FANCM: variants seen among roughly 807,000 people sequenced by gnomAD.
FANCM encodes the protein Fanconi anemia group M protein.
In FANCM, 140 loss-of-function variants were observed where a neutral mutation model predicts 199.5. The observed-to-expected ratio is 0.70, with a 90% CI of 0.61 to 0.81. FANCM has a LOEUF of 0.81. FANCM is among the 30% of genes least tolerant of loss of function. The probability of loss-of-function intolerance (pLI) is 0.00; values close to 1 mark genes in which losing one functional copy is unlikely to be tolerated. For synonymous variants in FANCM, 840 were observed against 836.8 expected (o/e 1.00, Z -0.07); for missense variants, 2,410 against 2,421.4 (o/e 1.00, Z 0.10).
At chr14:45,177,112 A>G in intron 14 of FANCM, 136 bp downstream of exon 14, 1 of 621,724 alleles carries the variant, frequency 1.6e-6, no homozygotes, top group Non-Finnish European at 2.8e-6. Context: ...GATGTGTTAT[A>G]TTTTTCTTAA....
chr14:45,151,478 A>G lies in FANCM; in HGVS notation c.1000A>G (p.Ile334Val). 1 of 1,612,572 alleles carries G rather than the reference A, an allele frequency of 6.2e-7. No homozygotes were observed. Among genetic ancestry groups the G allele is most frequent in the Non-Finnish European group, 8.5e-7 (1 of 1,178,618 alleles). The change falls in exon 5 of 23, where the codon ATA becomes GTA. Residue 334 changes from isoleucine (I) to valine (V), a missense_variant. Physicochemically the swap from Ile to Val is conservative, Grantham distance 29 (BLOSUM62 3). Transcript: ENST00000267430. Reference sequence around the variant, plus strand: ...TATCCCAAATCTAACAAAATATCAGATAATTCTGGCAAGAGATCAGTTTAG... The same window carrying G: ...TATCCCAAATCTAACAAAATATCAGGTAATTCTGGCAAGAGATCAGTTTAG... ...RDIPNLTKYQ[I>V]ILARDQFRKN... is the part of the protein sequence containing the mutation.
At chr14:45,140,067 T>C (rs1885800710) in intron 2 of FANCM, among the ~76,000 whole-genome samples, 1 of 152,208 alleles carries the variant, frequency 6.6e-6, no homozygotes, top group African/African-American at 2.4e-5. Flanking sequence ...CAAATATAAT[T>C]TCGTATTGCT....
intron 3 of FANCM, among the ~76,000 whole-genome samples, chr14:45,144,555 A>G (rs1206353283): frequency 6.6e-6 from 1 of 152,184 alleles, no homozygotes; most frequent in East Asian, 1.9e-4. Context: ...CACTCAAAGC[A>G]CAAGATGAAG....
chr14:45,151,284 T>C, intron 4 of FANCM, 113 bp from the exon 5 acceptor site: 1 of 864,136 alleles, frequency 1.2e-6, no homozygotes, highest in South Asian at 1.6e-5. Flanking sequence ...AAACATTCAT[T>C]GTAAGACAAA....
At chr14:45,136,577 G>T (rs766451110) in intron 1 of FANCM, 38 bp downstream of exon 1, 23 of 1,599,714 alleles carry the variant, frequency 1.4e-5, no homozygotes, top group Non-Finnish European at 2.0e-5. Context: ...TAAGAGCTGG[G>T]AATTCCTGAC....
intron 20 of FANCM, among the ~76,000 whole-genome samples, chr14:45,195,098 C>G (rs1889986859): frequency 6.6e-6 from 1 of 152,174 alleles, no homozygotes; most frequent in African/African-American, 2.4e-5. Flanking sequence ...TCTCCAGAAC[C>G]TCATTAACAG....
intron 13 of FANCM, among the ~76,000 whole-genome samples, chr14:45,173,447 A>T (rs936055183): frequency 6.6e-6 from 1 of 152,126 alleles, no homozygotes; most frequent in Non-Finnish European, 1.5e-5. Context: ...TACTTAAATG[A>T]TTTATGTAAA....
chr14:45,174,001 GCAAA>G (rs990703424), intron 13 of FANCM, among the ~76,000 whole-genome samples: 4 of 152,124 alleles, frequency 2.6e-5, no homozygotes, highest in Non-Finnish European at 5.9e-5. Context: ...ATAACCGTTA[GCAAA>G]CAGAGAAAAT....
chr14:45,196,199 A>G lies in FANCM; in HGVS notation c.5368A>G (p.Thr1790Ala), dbSNP rs781579567. The G allele has an allele frequency of 6.2e-7, 1 of 1,614,138 alleles. No individual in the cohort carries two copies. Among genetic ancestry groups the G allele is most frequent in the Non-Finnish European group, 8.5e-7 (1 of 1,179,982 alleles). Residue 1790 changes from threonine to alanine, a missense_variant, in exon 21 of 23, where the codon ACT (threonine) becomes GCT (alanine). Physicochemically the swap from Thr to Ala is moderately conservative, Grantham distance 58 (BLOSUM62 0). Transcript: ENST00000267430. ...TGGTAGTGCTTTGGAGGATTCTAGC[A>G]CTTCAGGGGCATCCTGTTCCAAGTC... is the stretch of plus-strand genomic sequence containing the variant. ...KDGSALEDSS[T>A]SGASCSKSRP...
intron 3 of FANCM, 58 bp from the exon 4 acceptor site, chr14:45,148,779 C>A: frequency 7.9e-7 from 1 of 1,267,658 alleles, no homozygotes. Context: ...CTGTTAGTGA[C>A]TTAAACTAAA....
intron 18 of FANCM, among the ~76,000 whole-genome samples, chr14:45,186,400 T>C (rs559510974): frequency 6.6e-6 from 1 of 152,322 alleles, no homozygotes; most frequent in South Asian, 2.1e-4. Context: ...TTACATACAA[T>C]ATATTTAGAG....
chr14:45,161,006 A>G (rs960442309), intron 9 of FANCM, among the ~76,000 whole-genome samples: 1 of 152,146 alleles, frequency 6.6e-6, no homozygotes, highest in African/African-American at 2.4e-5. Flanking sequence ...TACTACTCTT[A>G]ACATATATGT....
Position 45,157,527 on chromosome 14 carries a change from T to C in FANCM, c.1397-1569T>C, listed in dbSNP as rs151245328. Among the ~76,000 whole-genome samples, 14 of 152,182 alleles carry C rather than the reference T, an allele frequency of 9.2e-5. No homozygotes were observed. In the East Asian group the frequency reaches 2.7e-3, roughly 29 times the overall value. On this transcript the variant is annotated intron_variant, in intron 8 of 22. Transcript: ENST00000267430. ...GAGGAAAGTGTGTTAAACTAAAAAG[T>C]GTCGATTGAACTTGGCAGTATGGAA...
At chr14:45,159,360 C>T in intron 9 of FANCM, 80 bp downstream of exon 9, 2 of 1,016,812 alleles carry the variant, frequency 2.0e-6, no homozygotes, top group Non-Finnish European at 3.0e-6. Context: ...AGTTTTAACT[C>T]ACTGGTCAAT....
intron 9 of FANCM, among the ~76,000 whole-genome samples, chr14:45,161,290 C>T (rs1000545263): frequency 3.3e-5 from 5 of 152,122 alleles, no homozygotes; most frequent in African/African-American, 9.7e-5. Context: ...TATTTTGAAA[C>T]GAGCTTGCAG....
chr14:45,180,966 T>C (rs1889027734), intron 14 of FANCM: 1 of 175,978 alleles, frequency 5.7e-6, no homozygotes, highest in African/African-American at 2.4e-5. Flanking sequence ...TGTACACAAA[T>C]ACATATGGAA....
chr14:45,150,559 C>T (rs373879052), intron 4 of FANCM, among the ~76,000 whole-genome samples: 3 of 152,124 alleles, frequency 2.0e-5, no homozygotes, highest in East Asian at 1.9e-4. Flanking sequence ...AGCTCATTTC[C>T]GCCTCAGGAC....
At chr14:45,142,612 T>G (rs1170550248) in intron 3 of FANCM, among the ~76,000 whole-genome samples, 3 of 151,990 alleles carry the variant, frequency 2.0e-5, no homozygotes, top group Admixed American at 6.6e-5. Flanking sequence ...GGCCGCTTCC[T>G]CTTTTTTCTT....
At position 45,136,354 on chromosome 14, in the gene FANCM, T is replaced by C. The variant is rs1885501868; in HGVS notation, c.323T>C (p.Leu108Pro). The C allele has an allele frequency of 1.2e-6, 2 of 1,614,036 alleles. No homozygotes were observed. Among genetic ancestry groups the C allele is most frequent in the African/African-American group, 2.7e-5 (2 of 74,912 alleles). Residue 108 changes from leucine to proline, a missense_variant, in exon 1 of 23, where the codon CTG (leucine) becomes CCG (proline). Physicochemically the swap from Leu to Pro is moderately conservative, Grantham distance 98. Transcript: ENST00000267430. ...CGGGCTGCTCTGTTTTGCAATACGC[T>C]GGTGTGTCTGCCTACCGGACTGGGA... is the stretch of plus-strand genomic sequence containing the variant. ...ISRAALFCNT[L>P]VCLPTGLGKT... is the part of the protein sequence containing the mutation.
Sources: allele counts gnomAD v4.1 joint callset (sites outside exome capture counted in the v4.1 genomes callset), GRCh38; gene constraint gnomAD v4.1.1; transcripts MANE v1.5; gene names NCBI Gene and HGNC (gene_info 2026-07-23, HGNC 2026-07-21).